The following TLK1 variants were observed in gnomAD, a reference collection of about 807,000 sequenced individuals.
The protein encoded by TLK1 is tousled like kinase 1, also known as serine/threonine-protein kinase tousled-like 1.
TLK1 carries 24 observed loss-of-function variants against 105.3 expected under a neutral mutation model. The observed-to-expected ratio is 0.23, with a 90% CI of 0.17 to 0.32. The LOEUF (loss-of-function observed/expected upper bound fraction) is 0.32, where lower values mean the gene tolerates loss of function less well. TLK1 is among the 10% of genes least tolerant of loss of function. The probability of loss-of-function intolerance (pLI) is 1.00; values close to 1 mark genes in which losing one functional copy is unlikely to be tolerated. For synonymous variants in TLK1, 321 were observed against 310.4 expected (o/e 1.03, Z -0.36); for missense variants, 558 against 910.5 (o/e 0.61, Z 4.98).
chr2:171,159,927 G>A (rs1008612354), intron 1 of TLK1: 6 of 190,018 alleles, frequency 3.2e-5, no homozygotes, highest in African/African-American at 9.4e-5. Flanking sequence ...CGGAGGCCAG[G>A]AGGTTAAGAG....
At chr2:171,083,095 T>C (rs959849262) in intron 2 of TLK1, among the ~76,000 whole-genome samples, 26 of 152,178 alleles carry the variant, frequency 1.7e-4, no homozygotes, top group African/African-American at 6.3e-4. Context: ...TGACTTCTAT[T>C]AGCTGGTTTT....
At chr2:171,215,825 G>A (rs1309561553) in intron 1 of TLK1, among the ~76,000 whole-genome samples, 1 of 152,168 alleles carries the variant, frequency 6.6e-6, no homozygotes, top group Non-Finnish European at 1.5e-5. Context: ...GCCCCAGCGG[G>A]TACATGCACG....
rs1693985652 is a variant in TLK1, at chr2:171,230,965, T to C, written c.-6+180A>G. On this transcript the variant is annotated intron_variant, in intron 1 of 20. Coordinates refer to the TLK1 transcript ENST00000521943. The stretch of plus-strand genomic sequence containing the variant: ...ATTAAAGGGCATTTTACTGAAGGTT[T>C]GCACCTGCAAACCTCTTCCTCGGGT... 2.0e-5 allele frequency among the ~76,000 whole-genome samples: 3 copies of C among 152,284 alleles called. No homozygotes were observed. The South Asian group carries it at 6.2e-4, about 32-fold the overall frequency.
intron 1 of TLK1, among the ~76,000 whole-genome samples, chr2:171,209,079 T>G (rs568649795): frequency 6.6e-6 from 1 of 152,326 alleles, no homozygotes; most frequent in South Asian, 2.1e-4. Flanking sequence ...TATGTACTGA[T>G]AATGGAGAAG....
chr2:170,993,755 A>G lies in TLK1; in HGVS notation c.*25T>C. On this transcript the variant is annotated 3_prime_UTR_variant, in exon 21 of 21. Transcript: ENST00000431350. ...TGTGCATCTGGAAGCAAATTCAAAG[A>G]TATCATGCCAATCTTGGAGGAAAGT... 2 of 1,511,730 alleles carry G rather than the reference A, an allele frequency of 1.3e-6. No individual in the cohort carries two copies. Among genetic ancestry groups the G allele is most frequent in the Non-Finnish European group, 1.8e-6 (2 of 1,126,536 alleles). The allele number at this position is 1,511,730 out of a possible 1,614,324, so 93.6% of individuals were successfully genotyped here. A position where few individuals can be genotyped will look rare whatever the true frequency, so the allele number is the denominator to read the frequency against.
At chr2:171,056,632 G>A in intron 5 of TLK1, 66 bp from the exon 6 acceptor site, 2 of 1,295,956 alleles carry the variant, frequency 1.5e-6, no homozygotes, top group South Asian at 1.2e-5. Flanking sequence ...TTTCAGATAT[G>A]ACATTAAGAA....
chr2:171,090,439 T>C lies in TLK1; in HGVS notation c.259-7587A>G, dbSNP rs1480054543. 2.2e-5 allele frequency among the ~76,000 whole-genome samples: 3 copies of C among 134,994 alleles called. No homozygotes were observed. The East Asian group carries it at 5.8e-4, about 26-fold the overall frequency. The allele number at this position is 134,994 out of a possible 152,430, so 88.6% of individuals were successfully genotyped here. A position where few individuals can be genotyped will look rare whatever the true frequency, so the allele number is the denominator to read the frequency against. Reference sequence around the variant, plus strand: ...TATGGGGATAATCTTTATTTCTTGATATGAGTGCTGCTTACATCACTGTGT... The same window carrying C: ...TATGGGGATAATCTTTATTTCTTGACATGAGTGCTGCTTACATCACTGTGT... On this transcript the variant is annotated intron_variant, in intron 2 of 20. Coordinates refer to ENST00000431350, the MANE Select transcript of TLK1 (RefSeq NM_012290.5).
intron 3 of TLK1, among the ~76,000 whole-genome samples, chr2:171,075,042 T>G (rs945267628): frequency 6.6e-6 from 1 of 151,920 alleles, no homozygotes; most frequent in Non-Finnish European, 1.5e-5. Context: ...AAAAGATTTC[T>G]CCAGGTCACA....
intron 3 of TLK1, among the ~76,000 whole-genome samples, chr2:171,071,380 C>G (rs980586587): frequency 6.6e-6 from 1 of 152,030 alleles, no homozygotes; most frequent in Non-Finnish European, 1.5e-5. Context: ...CTCTGCCTCC[C>G]GGGTTCACGC....
intron 1 of TLK1, among the ~76,000 whole-genome samples, chr2:171,191,067 G>A (rs899896992): frequency 3.3e-5 from 5 of 151,920 alleles, no homozygotes; most frequent in Non-Finnish European, 7.4e-5. Flanking sequence ...GGCTGAGGCA[G>A]GAGAATCACT....
In TLK1 at chr2:171,058,046, CAAGT is replaced by C. The variant is rs1186792966; in HGVS notation, c.453+101_453+104del. 7 of 1,136,766 alleles carry C rather than the reference CAAGT, an allele frequency of 6.2e-6. No individual in the cohort carries two copies. In the Admixed American group the frequency reaches 7.2e-5, roughly 12 times the overall value. 70.4% of individuals were successfully genotyped at this position (1,136,766 alleles called of 1,614,324 possible). A position where few individuals can be genotyped will look rare whatever the true frequency, so the allele number is the denominator to read the frequency against. ...CATAGTAATAAAGCTCTGCTCTAAT[CAAGT>C]AAGTAATCAAAAGCTGACCTTGTGC... On this transcript the variant is annotated intron_variant, in intron 5 of 20. Coordinates refer to ENST00000431350, the MANE Select transcript of TLK1 (RefSeq NM_012290.5).
chr2:171,011,990 A>C (rs1277952905), intron 13 of TLK1, among the ~76,000 whole-genome samples: 1 of 152,150 alleles, frequency 6.6e-6, no homozygotes, highest in African/African-American at 2.4e-5. Context: ...ATTACTACTT[A>C]AAATTTACCG....
chr2:171,160,261 C>T lies in TLK1; in HGVS notation c.139+29G>A. 6.8e-7 allele frequency: 1 copy of T among 1,479,454 alleles called. No individual in the cohort carries two copies. Among genetic ancestry groups the T allele is most frequent in the Non-Finnish European group, 8.9e-7 (1 of 1,119,914 alleles). 91.6% of individuals were successfully genotyped at this position (1,479,454 alleles called of 1,614,324 possible). A position where few individuals can be genotyped will look rare whatever the true frequency, so the allele number is the denominator to read the frequency against. ...TCCGCGGCGCGGGAGAGGAGGCCCGCGAGCGGGCGCGGGCGCGGCGGTGCT... is the reference window on the plus strand; with the variant it reads ...TCCGCGGCGCGGGAGAGGAGGCCCGTGAGCGGGCGCGGGCGCGGCGGTGCT... On this transcript the variant is annotated intron_variant, in intron 1 of 20. Coordinates refer to ENST00000431350, the MANE Select transcript of TLK1 (RefSeq NM_012290.5). This position sits in a 1 kb window ranked among gnomAD's most constrained non-coding sequence, Gnocchi z 4.4.
Position 171,014,958 on chromosome 2 carries a change from A to T in TLK1, c.1237-10T>A, listed in dbSNP as rs1253951503. 1 of 1,597,292 alleles carries T rather than the reference A, an allele frequency of 6.3e-7. No homozygotes were observed. The highest frequency in any genetic ancestry group is 2.2e-5 in the East Asian group (1 of 44,806). On this transcript the variant is annotated splice_polypyrimidine_tract_variant and intron_variant, in intron 12 of 20. Coordinates refer to ENST00000431350, the MANE Select transcript of TLK1 (RefSeq NM_012290.5). ...GGATTTCTGCCTCTTCCTGAAAATG[A>T]AGAGAGGGGACTATAACAAGCTCAA...
chr2:171,047,814 C>A (rs1311599102), intron 10 of TLK1, among the ~76,000 whole-genome samples: 2 of 152,076 alleles, frequency 1.3e-5, no homozygotes, highest in Non-Finnish European at 2.9e-5. Flanking sequence ...AATATTATTA[C>A]TTTTATTTAT....
intron 2 of TLK1, among the ~76,000 whole-genome samples, chr2:171,090,157 G>A (rs1240840378): frequency 2.0e-5 from 3 of 151,988 alleles, no homozygotes; most frequent in Non-Finnish European, 2.9e-5. Context: ...GATGTCTTGA[G>A]TATCTTTTGT....
intron 1 of TLK1, among the ~76,000 whole-genome samples, chr2:171,191,179 G>A (rs1693140546): frequency 1.3e-5 from 2 of 151,596 alleles, no homozygotes. Context: ...AAAAATTTAT[G>A]TTCTTCTTTT....
intron 1 of TLK1, among the ~76,000 whole-genome samples, chr2:171,203,647 G>A (rs1693443867): frequency 2.0e-5 from 3 of 152,174 alleles, no homozygotes; most frequent in Admixed American, 2.0e-4. Context: ...ATGCTGCTAG[G>A]AGCATGAGCA....
chr2:171,094,614 T>A (rs1274130027), intron 2 of TLK1, among the ~76,000 whole-genome samples: 4 of 152,134 alleles, frequency 2.6e-5, no homozygotes, highest in Non-Finnish European at 4.4e-5. Context: ...AAACTAAATT[T>A]TCTTTTTTTC....
Sources: gnomAD v4.1 joint callset for allele counts (sites outside exome capture counted in the v4.1 genomes callset) on GRCh38, gnomAD v4.1.1 for gene constraint, Gnocchi (gnomAD v3.1) non-coding constraint, MANE v1.5 for transcripts, NCBI Gene and HGNC (gene_info 2026-07-23, HGNC 2026-07-21) for gene names.